SAMD3: variants seen among roughly 807,000 people sequenced by gnomAD.
SAMD3 encodes the protein sterile alpha motif domain-containing protein 3.
Under a neutral mutation model 58.5 loss-of-function variants are expected in SAMD3, and 63 were observed. That is an observed-to-expected ratio of 1.08 (90% CI 0.88 to 1.33). The LOEUF is 1.33. SAMD3 is among the 40% of genes most tolerant of loss of function. The probability of loss-of-function intolerance (pLI) is 0.00; values close to 1 mark genes in which losing one functional copy is unlikely to be tolerated. For missense variants in SAMD3, 604 were observed against 608.4 expected (o/e 0.99, Z 0.08); for synonymous variants, 220 against 210.3 (o/e 1.05, Z -0.40).
chr6:130,285,130 T>C (rs1775112286), intron 2 of SAMD3, among the ~76,000 whole-genome samples: 1 of 152,224 alleles, frequency 6.6e-6, no homozygotes, highest in African/African-American at 2.4e-5. Context: ...GATCATTCCA[T>C]AATACTGAAT....
rs73607659 is a variant in SAMD3, at chr6:130,324,877, T to C, written c.-303-11784A>G. 8.5e-3 allele frequency among the ~76,000 whole-genome samples: 1,287 copies of C among 152,226 alleles called. 19 individuals carry two copies. Among genetic ancestry groups the C allele is most frequent in the African/African-American group, 0.03 (1,227 of 41,536 alleles). On this transcript the variant is annotated intron_variant, in intron 1 of 13. Transcript: ENST00000368134. ...AGCCTACACACAAGAACAAATTCTT[T>C]CCCGGTGCCTCACACTGTGAGGCTG...
intron 1 of SAMD3, among the ~76,000 whole-genome samples, chr6:130,352,455 CT>C: frequency 6.6e-6 from 1 of 152,212 alleles, no homozygotes; most frequent in South Asian, 2.1e-4. Context: ...AATATCACCC[CT>C]GCCATTAGTA....
chr6:130,195,909 C>T (rs540736495), intron 5 of SAMD3, among the ~76,000 whole-genome samples: 1 of 152,140 alleles, frequency 6.6e-6, no homozygotes, highest in East Asian at 1.9e-4. Flanking sequence ...CCTAACAAAA[C>T]CATTATATAA....
rs549621291 is a variant in SAMD3, at chr6:130,310,563, G to A, written c.-188+2415C>T. 2.3e-3 allele frequency among the ~76,000 whole-genome samples: 345 copies of A among 152,204 alleles called. 1 individual carries two copies. The highest frequency in any genetic ancestry group is 6.8e-3 in the Middle Eastern group (2 of 294). On this transcript the variant is annotated intron_variant, in intron 2 of 13. Coordinates refer to the SAMD3 transcript ENST00000368134. Reference sequence around the variant, plus strand: ...TAGATATAGTTTTGGTTCTGAGCTGGGGAACACAATTTCCTTGAATGTTAT... The same window carrying A: ...TAGATATAGTTTTGGTTCTGAGCTGAGGAACACAATTTCCTTGAATGTTAT...
chr6:130,286,363 G>A (rs1402452767), intron 2 of SAMD3: 1 of 152,298 alleles, frequency 6.6e-6, no homozygotes, highest in Non-Finnish European at 1.5e-5. Flanking sequence ...TTTCTGAGAG[G>A]AAGAGTGAGC....
chr6:130,213,553 T>G (rs1467309620), intron 4 of SAMD3, among the ~76,000 whole-genome samples: 1 of 152,172 alleles, frequency 6.6e-6, no homozygotes, highest in African/African-American at 2.4e-5. Context: ...TCAAAATCAT[T>G]AAAATTTATT....
chr6:130,219,121 T>G (rs901116570), intron 1 of SAMD3, among the ~76,000 whole-genome samples: 2 of 152,208 alleles, frequency 1.3e-5, no homozygotes, highest in African/African-American at 4.8e-5. Context: ...CAGTTTTCCT[T>G]CGTTTTAGGA....
chr6:130,187,882 TG>T (rs1793152790), intron 5 of SAMD3, among the ~76,000 whole-genome samples: 1 of 152,188 alleles, frequency 6.6e-6, no homozygotes, highest in African/African-American at 2.4e-5. Flanking sequence ...ATCTCAATCC[TG>T]GGTGCACAGT....
At chr6:130,194,616 A>G (rs1325379803) in intron 5 of SAMD3, among the ~76,000 whole-genome samples, 1 of 152,218 alleles carries the variant, frequency 6.6e-6, no homozygotes, top group East Asian at 1.9e-4. Context: ...AGCTTGCTAC[A>G]AGTGCCAGAA....
intron 1 of SAMD3, among the ~76,000 whole-genome samples, chr6:130,349,579 T>G (rs998198104): frequency 6.6e-6 from 1 of 152,186 alleles, no homozygotes; most frequent in East Asian, 1.9e-4. Flanking sequence ...CAATAATTAA[T>G]AGCTTACCAA....
chr6:130,345,301 A>G (rs948857827), intron 1 of SAMD3, among the ~76,000 whole-genome samples: 11 of 152,156 alleles, frequency 7.2e-5, no homozygotes, highest in African/African-American at 2.7e-4. Context: ...GGAATGAAAA[A>G]GGCAAGCCTC....
intron 8 of SAMD3, among the ~76,000 whole-genome samples, chr6:130,170,121 G>A (rs185048877): frequency 6.6e-6 from 1 of 152,288 alleles, no homozygotes; most frequent in East Asian, 1.9e-4. Flanking sequence ...ATGGTGGTTT[G>A]CTGCACCTAT....
chr6:130,200,280 G>A (rs115977031), intron 5 of SAMD3, among the ~76,000 whole-genome samples: 1,624 of 151,122 alleles, frequency 0.011, 26 homozygotes, highest in African/African-American at 0.036. Flanking sequence ...TCATTCATGC[G>A]CCTGTAATCT....
At position 130,244,749 on chromosome 6, in the gene SAMD3, AAAAATAAAAATAAAAAT is replaced by A. The variant is rs1562478024; in HGVS notation, c.-187-21953_-187-21937del. ...GACGAGCCTGTCTCAAAAAAAAAAT[AAAAATAAAAATAAAAAT>A]AAAAATAAAAATAAAAATAAAGCAC... On this transcript the variant is annotated intron_variant, in intron 2 of 13. Coordinates refer to the SAMD3 transcript ENST00000368134. 4.6e-4 allele frequency among the ~76,000 whole-genome samples: 22 copies of A among 47,616 alleles called. No individual in the cohort carries two copies. The African/African-American group carries it at 7.0e-3, about 15-fold the overall frequency. The allele number at this position is 47,616 out of a possible 152,430, so 31.2% of individuals were successfully genotyped here.
At position 130,164,085 on chromosome 6, in the gene SAMD3, GA is replaced by G. The variant is rs60129721; in HGVS notation, c.823-9061del. On this transcript the variant is annotated intron_variant, in intron 8 of 11. Coordinates refer to ENST00000439090, the MANE Select transcript of SAMD3 (RefSeq NM_001017373.4). The stretch of plus-strand genomic sequence containing the variant: ...CAGTATCCTACACATAAAGTAGGTT[GA>G]AAAAAAAAAAAAAAGAGGCACAAGT... Among the ~76,000 whole-genome samples the G allele has an allele frequency of 4.2e-3, 583 of 137,430 alleles. 5 individuals are homozygous for G. The highest frequency in any genetic ancestry group is 0.012 in the African/African-American group (458 of 37,476). 90.2% of individuals were successfully genotyped at this position (137,430 alleles called of 152,430 possible). A position where few individuals can be genotyped will look rare whatever the true frequency, so the allele number is the denominator to read the frequency against.
chr6:130,221,046 G>A (rs1046020621), intron 1 of SAMD3, among the ~76,000 whole-genome samples: 1 of 151,760 alleles, frequency 6.6e-6, no homozygotes, highest in Non-Finnish European at 1.5e-5. Flanking sequence ...AGTAGAGACG[G>A]GGTTTCACTG....
intron 2 of SAMD3, among the ~76,000 whole-genome samples, chr6:130,280,063 G>A (rs1250892576): frequency 6.6e-6 from 1 of 152,056 alleles, no homozygotes; most frequent in African/African-American, 2.4e-5. Context: ...CTTTGCTTTA[G>A]GCTATTTTTC....
intron 8 of SAMD3, among the ~76,000 whole-genome samples, chr6:130,175,152 G>T (rs1791603812): frequency 6.6e-6 from 1 of 152,216 alleles, no homozygotes; most frequent in South Asian, 2.1e-4. Flanking sequence ...ATACTTGGTA[G>T]TTCAGACATC....
intron 1 of SAMD3, among the ~76,000 whole-genome samples, chr6:130,335,745 CAA>C (rs1399203291): frequency 6.6e-6 from 1 of 152,044 alleles, no homozygotes; most frequent in African/African-American, 2.4e-5. Flanking sequence ...TTCACAATAG[CAA>C]AGACTTGGAA....
Sources: allele counts gnomAD v4.1 joint callset (sites outside exome capture counted in the v4.1 genomes callset), GRCh38; gene constraint gnomAD v4.1.1; transcripts MANE v1.5; gene names NCBI Gene and HGNC (gene_info 2026-07-23, HGNC 2026-07-21).